Variants in NRG3 observed in about 807,000 individuals in gnomAD.
NRG3 encodes the protein neuregulin 3, also known as pro-neuregulin-3, membrane-bound isoform.
A neutral mutation model predicts 66.9 loss-of-function variants in NRG3; 31 were observed. That is an observed-to-expected ratio of 0.46 (90% CI 0.35 to 0.63). NRG3 has a LOEUF of 0.63. NRG3 is among the 20% of genes least tolerant of loss of function. NRG3 has a pLI of 0.00. For missense variants in NRG3, 910 were observed against 878.9 expected, an observed-to-expected ratio of 1.04 and a Z score of -0.45; for synonymous variants, 393 against 359.4, an observed-to-expected ratio of 1.09 and a Z score of -1.06.
At chr10:82,316,509 T>G (rs2081303191) in intron 1 of NRG3, among the ~76,000 whole-genome samples, 1 of 152,140 alleles carries the variant, frequency 6.6e-6, no homozygotes, top group South Asian at 2.1e-4. Flanking sequence ...TATTTTTGCC[T>G]ACGGACCCTT....
At chr10:82,678,183 C>T (rs370822832) in intron 2 of NRG3, among the ~76,000 whole-genome samples, 2 of 152,186 alleles carry the variant, frequency 1.3e-5, no homozygotes, top group East Asian at 3.9e-4. Context: ...CTGCTTTTCC[C>T]TGGTCACTCA....
intron 1 of NRG3, among the ~76,000 whole-genome samples, chr10:82,245,399 C>T (rs997247451): frequency 6.6e-6 from 1 of 152,296 alleles, no homozygotes; most frequent in Non-Finnish European, 1.5e-5. Context: ...TCCTGCTGTG[C>T]AGCCTGATTC....
At chr10:82,304,661 A>G (rs868409230) in intron 1 of NRG3, among the ~76,000 whole-genome samples, 1 of 146,648 alleles carries the variant, frequency 6.8e-6, no homozygotes. Flanking sequence ...TAGGACTGAC[A>G]TCCCTGTTTT....
intron 1 of NRG3, among the ~76,000 whole-genome samples, chr10:82,147,892 A>G (rs1188181941): frequency 6.6e-6 from 1 of 152,118 alleles, no homozygotes; most frequent in Admixed American, 6.5e-5. Context: ...CTTTTACCCA[A>G]ATAGGCTTTA....
chr10:82,064,873 A>T (rs2064364746), intron 1 of NRG3, among the ~76,000 whole-genome samples: 1 of 151,946 alleles, frequency 6.6e-6, no homozygotes, highest in Admixed American at 6.6e-5. Context: ...ATTATTCAAA[A>T]CTCCAACCAA....
At chr10:82,780,463 C>CTT (rs1007056127) in intron 3 of NRG3, among the ~76,000 whole-genome samples, 6 of 122,168 alleles carry the variant, frequency 4.9e-5, no homozygotes, top group Admixed American at 8.2e-5. Flanking sequence ...CATTGCGCCT[C>CTT]TTTTTTTTTT....
At chr10:82,364,871 A>G (rs1286986224) in intron 2 of NRG3, among the ~76,000 whole-genome samples, 1 of 152,230 alleles carries the variant, frequency 6.6e-6, no homozygotes, top group Non-Finnish European at 1.5e-5. Context: ...ATACTTTGGT[A>G]ACAGGACTGA....
chr10:82,682,633 A>G (rs994895683), intron 2 of NRG3, among the ~76,000 whole-genome samples: 2 of 152,204 alleles, frequency 1.3e-5, no homozygotes, highest in Non-Finnish European at 2.9e-5. Flanking sequence ...TTTTAAAATT[A>G]TGTTTAAGAG....
At chr10:82,847,868 A>G (rs757569532) in intron 3 of NRG3, among the ~76,000 whole-genome samples, 1 of 152,232 alleles carries the variant, frequency 6.6e-6, no homozygotes, top group Non-Finnish European at 1.5e-5. Flanking sequence ...ATTTATTCTA[A>G]TATCCTCACA....
chr10:82,358,954 A>G (rs1279760839), intron 2 of NRG3, 86 bp downstream of exon 2: 7 of 1,565,936 alleles, frequency 4.5e-6, no homozygotes, highest in Non-Finnish European at 6.1e-6. Context: ...GGTATGTGTC[A>G]TATCCGGGAT....
chr10:82,618,383 G>A (rs2048808208), intron 2 of NRG3, among the ~76,000 whole-genome samples: 1 of 152,052 alleles, frequency 6.6e-6, no homozygotes, highest in Non-Finnish European at 1.5e-5. Context: ...GTCACAGGAG[G>A]ACAATCCAAA....
At chr10:81,902,831 C>T (rs539981424) in intron 1 of NRG3, among the ~76,000 whole-genome samples, 134 of 152,128 alleles carry the variant, frequency 8.8e-4, no homozygotes, top group Non-Finnish European at 1.6e-3. Flanking sequence ...GGCACTGGAG[C>T]GAATTTTATG....
At chr10:82,909,266 A>G (rs1845082897) in intron 4 of NRG3, among the ~76,000 whole-genome samples, 1 of 152,234 alleles carries the variant, frequency 6.6e-6, no homozygotes, top group Admixed American at 6.5e-5. Flanking sequence ...CAATGCAGAG[A>G]AATGGATTTT....
intron 3 of NRG3, among the ~76,000 whole-genome samples, chr10:82,760,960 C>T (rs2059280776): frequency 2.0e-5 from 3 of 151,474 alleles, no homozygotes; most frequent in South Asian, 4.2e-4. Context: ...ATAACGTAGA[C>T]TCTCAGGAGA....
chr10:82,428,409 T>A (rs1361900108), intron 2 of NRG3, among the ~76,000 whole-genome samples: 1 of 151,962 alleles, frequency 6.6e-6, no homozygotes, highest in African/African-American at 2.4e-5. Flanking sequence ...TCTGAAATGA[T>A]TTCCTAATTC....
chr10:82,342,780 A>G (rs1489914899), intron 1 of NRG3, among the ~76,000 whole-genome samples: 1 of 151,434 alleles, frequency 6.6e-6, no homozygotes, highest in African/African-American at 2.4e-5. Flanking sequence ...ATTAACTCTC[A>G]CTTATATATT....
intron 2 of NRG3, among the ~76,000 whole-genome samples, chr10:82,643,211 A>C (rs2050701178): frequency 6.6e-6 from 1 of 152,132 alleles, no homozygotes; most frequent in Non-Finnish European, 1.5e-5. Flanking sequence ...AGAGGGACCC[A>C]GTGAAAGATA....
chr10:82,290,815 G>A (rs927546572), intron 1 of NRG3, among the ~76,000 whole-genome samples: 7 of 115,700 alleles, frequency 6.1e-5, no homozygotes, highest in East Asian at 2.5e-4. Context: ...TTTTTTTTTT[G>A]TATTTTTTTA....
At chr10:82,017,388 G>T (rs781457549) in intron 1 of NRG3, among the ~76,000 whole-genome samples, 1 of 152,102 alleles carries the variant, frequency 6.6e-6, no homozygotes, top group Non-Finnish European at 1.5e-5. Flanking sequence ...GAGTAGTGCC[G>T]CAATAAACAT....
Sources: gnomAD v4.1 joint callset for allele counts (sites outside exome capture counted in the v4.1 genomes callset) on GRCh38, gnomAD v4.1.1 for gene constraint, MANE v1.5 for transcripts, NCBI Gene and HGNC (gene_info 2026-07-23, HGNC 2026-07-21) for gene names.